The following CTNNA3 variants were observed in gnomAD, a reference collection of about 807,000 sequenced individuals.
CTNNA3 encodes catenin alpha 3.
A neutral mutation model predicts 95.7 loss-of-function variants in CTNNA3; 76 were observed. That is an observed-to-expected ratio of 0.79 (90% CI 0.66 to 0.96). The LOEUF (loss-of-function observed/expected upper bound fraction) is 0.96. CTNNA3 is among the 40% of genes least tolerant of loss of function. The pLI is 0.00. For synonymous variants in CTNNA3, 431 were observed against 374.4 expected (o/e 1.15, Z -1.74); for missense variants, 1,191 against 1,089.8 (o/e 1.09, Z -1.31).
At chr10:66,316,978 A>C (rs1310636975) in intron 12 of CTNNA3, among the ~76,000 whole-genome samples, 1 of 152,116 alleles carries the variant, frequency 6.6e-6, no homozygotes, top group Non-Finnish European at 1.5e-5. Context: ...TGATCTTAAA[A>C]GCACCCATAA....
In CTNNA3 at chr10:67,496,535, G is replaced by T. The variant is rs149188143; in HGVS notation, c.579+25307C>A. On this transcript the variant is annotated intron_variant, in intron 5 of 17. Transcript: ENST00000433211. ...TCTCACCCCTCTGTTGTCTACTCCA[G>T]CACTGGCCCAAGAGAACCTCTTGTA... Among the ~76,000 whole-genome samples the T allele has an allele frequency of 3.5e-3, 527 of 152,138 alleles. 8 individuals carry two copies. The highest frequency in any genetic ancestry group is 0.012 in the African/African-American group (506 of 41,500).
chr10:66,560,046 A>G (rs1161071253), intron 10 of CTNNA3, among the ~76,000 whole-genome samples: 1 of 152,132 alleles, frequency 6.6e-6, no homozygotes, highest in Non-Finnish European at 1.5e-5. Context: ...CATGACTCAC[A>G]GGGATTTCTC....
At chr10:66,393,389 G>A (rs1179844162) in intron 11 of CTNNA3, among the ~76,000 whole-genome samples, 2 of 152,042 alleles carry the variant, frequency 1.3e-5, no homozygotes, top group Non-Finnish European at 2.9e-5. Flanking sequence ...TAATGTATCA[G>A]TATTGGTTCA....
intron 5 of CTNNA3, among the ~76,000 whole-genome samples, chr10:67,451,533 A>G (rs1846981347): frequency 1.3e-5 from 2 of 152,186 alleles, no homozygotes; most frequent in African/African-American, 4.8e-5. Context: ...AAAACAGACA[A>G]TTCATGAAAG....
chr10:66,705,451 T>C (rs573023206), intron 9 of CTNNA3, among the ~76,000 whole-genome samples: 2 of 152,182 alleles, frequency 1.3e-5, no homozygotes, highest in African/African-American at 2.4e-5. Context: ...ATTTCTTACT[T>C]AAATGTTTGG....
intron 5 of CTNNA3, among the ~76,000 whole-genome samples, chr10:67,494,710 T>TG (rs914824389): frequency 1.3e-4 from 20 of 152,246 alleles, no homozygotes; most frequent in African/African-American, 4.6e-4. Context: ...TTGGCCTAAT[T>TG]GGGCTGCCTC....
chr10:67,086,739 A>G (rs981238600), intron 7 of CTNNA3, among the ~76,000 whole-genome samples: 4 of 151,972 alleles, frequency 2.6e-5, no homozygotes, highest in Admixed American at 6.6e-5. Context: ...AAAATACCCT[A>G]TCAGTCATAG....
chr10:66,477,063 G>T, intron 11 of CTNNA3, among the ~76,000 whole-genome samples: 1 of 151,902 alleles, frequency 6.6e-6, no homozygotes, highest in African/African-American at 2.4e-5. Context: ...ATAACTTTTT[G>T]TTGATTTTAT....
intron 5 of CTNNA3, among the ~76,000 whole-genome samples, chr10:67,486,614 T>A (rs576123143): frequency 6.6e-6 from 1 of 152,270 alleles, no homozygotes; most frequent in East Asian, 1.9e-4. Context: ...ATTGTAAAAG[T>A]ATTTCAAGGA....
At chr10:65,951,991 T>C (rs1167530412) in intron 17 of CTNNA3, among the ~76,000 whole-genome samples, 2 of 144,038 alleles carry the variant, frequency 1.4e-5, no homozygotes, top group South Asian at 2.2e-4. Flanking sequence ...GATGGCACCA[T>C]TGCACTCCAG....
At chr10:66,387,865 T>A (rs943764515) in intron 11 of CTNNA3, among the ~76,000 whole-genome samples, 5 of 152,078 alleles carry the variant, frequency 3.3e-5, no homozygotes, top group South Asian at 2.1e-4. Flanking sequence ...AAACACCGCA[T>A]ATTCTCACTC....
chr10:67,134,974 C>A (rs1860222365), intron 7 of CTNNA3, among the ~76,000 whole-genome samples: 1 of 151,928 alleles, frequency 6.6e-6, no homozygotes, highest in African/African-American at 2.4e-5. Context: ...AGGCAGACAC[C>A]ATTCCATATG....
chr10:66,820,068 A>C (rs1305345181), intron 7 of CTNNA3, among the ~76,000 whole-genome samples: 2 of 152,146 alleles, frequency 1.3e-5, no homozygotes, highest in African/African-American at 2.4e-5. Flanking sequence ...AGCAAAAAAA[A>C]AAAAAAGTGG....
In CTNNA3 at chr10:66,558,964, T is replaced by C. The variant is rs572049303; in HGVS notation, c.1375-38191A>G. Among the ~76,000 whole-genome samples the C allele has an allele frequency of 1.2e-4, 18 of 152,228 alleles. No homozygotes were observed. In the South Asian group the frequency reaches 3.7e-3, roughly 32 times the overall value. The stretch of plus-strand genomic sequence containing the variant: ...TTAGAAAAGTCACTAAAAAACAACA[T>C]GGTCTTCACTCTTCACATCTGTTCC... On this transcript the variant is annotated intron_variant, in intron 10 of 17. Coordinates refer to ENST00000433211, the MANE Select transcript of CTNNA3 (RefSeq NM_013266.4).
At chr10:66,957,398 A>G (rs1388075571) in intron 7 of CTNNA3, among the ~76,000 whole-genome samples, 2 of 9,756 alleles carry the variant, frequency 2.1e-4, no homozygotes, top group Non-Finnish European at 4.7e-4. Context: ...ATATACATAT[A>G]TATATATATA....
chr10:67,381,028 C>T (rs920089752), intron 5 of CTNNA3, among the ~76,000 whole-genome samples: 2 of 152,274 alleles, frequency 1.3e-5, no homozygotes, highest in African/African-American at 4.8e-5. Flanking sequence ...TGATGACTGT[C>T]TCTCTGCTGA....
chr10:66,846,856 G>T lies in CTNNA3; in HGVS notation c.1048-71332C>A, dbSNP rs116050501. Among the ~76,000 whole-genome samples the T allele has an allele frequency of 5.3e-3, 809 of 152,242 alleles. 9 individuals are homozygous for T. Among genetic ancestry groups the T allele is most frequent in the African/African-American group, 0.018 (746 of 41,542 alleles). ...TACAGAGCCAGGGAGTGGCTTTGTT[G>T]TAGTCCTGGTCTGAAATCCCTATTG... On this transcript the variant is annotated intron_variant, in intron 7 of 17. Transcript: ENST00000433211.
chr10:66,167,116 C>G (rs1421789486), intron 13 of CTNNA3, among the ~76,000 whole-genome samples: 1 of 151,946 alleles, frequency 6.6e-6, no homozygotes, highest in African/African-American at 2.4e-5. Context: ...TCACATATGC[C>G]TCTCAGAAAG....
At chr10:66,805,636 G>T (rs570191346) in intron 7 of CTNNA3, among the ~76,000 whole-genome samples, 1 of 151,858 alleles carries the variant, frequency 6.6e-6, no homozygotes, top group South Asian at 2.1e-4. Flanking sequence ...GAAAATTCAA[G>T]CTATCTCTTT....
Sources: allele counts gnomAD v4.1 joint callset (sites outside exome capture counted in the v4.1 genomes callset), GRCh38; gene constraint gnomAD v4.1.1; transcripts MANE v1.5; gene names NCBI Gene and HGNC (gene_info 2026-07-23, HGNC 2026-07-21).